Variants in NAALADL2 observed in about 807,000 individuals in gnomAD.
NAALADL2 encodes inactive N-acetylated-alpha-linked acidic dipeptidase-like protein 2.
NAALADL2 carries 76 observed loss-of-function variants against 87.2 expected under a neutral mutation model. The observed-to-expected ratio is 0.87, with a 90% CI of 0.72 to 1.05. The LOEUF (loss-of-function observed/expected upper bound fraction) is 1.05. Among genes scored for constraint, NAALADL2 ranks in the 50% least tolerant of loss-of-function variants. The probability of loss-of-function intolerance (pLI) is 0.00; values close to 1 mark genes in which losing one functional copy is unlikely to be tolerated. For synonymous variants in NAALADL2, 354 were observed against 331.0 expected (o/e 1.07, Z -0.75); for missense variants, 1,089 against 945.8 (o/e 1.15, Z -1.99).
intron 11 of NAALADL2, among the ~76,000 whole-genome samples, chr3:175,720,214 C>T (rs1257467286): frequency 1.3e-5 from 2 of 151,858 alleles, no homozygotes; most frequent in East Asian, 1.9e-4. Context: ...ACACAACAAT[C>T]GATGCTGAAA....
intron 3 of NAALADL2, among the ~76,000 whole-genome samples, chr3:174,810,782 A>G (rs1207910646): frequency 6.6e-6 from 1 of 152,174 alleles, no homozygotes; most frequent in Non-Finnish European, 1.5e-5. Context: ...GGAAGTGCTG[A>G]TACTCAAGAA....
At chr3:175,340,878 A>G (rs753976968) in intron 5 of NAALADL2, among the ~76,000 whole-genome samples, 2 of 152,198 alleles carry the variant, frequency 1.3e-5, no homozygotes, top group African/African-American at 4.8e-5. Context: ...ACAGAGATAC[A>G]TAGTGTTAAC....
intron 10 of NAALADL2, among the ~76,000 whole-genome samples, chr3:175,611,192 A>C (rs1724597181): frequency 6.6e-6 from 1 of 152,098 alleles, no homozygotes; most frequent in Non-Finnish European, 1.5e-5. Context: ...TAACTTAATG[A>C]TTGTATAGTT....
chr3:174,522,847 T>C (rs1393342739), intron 1 of NAALADL2, among the ~76,000 whole-genome samples: 1 of 138,736 alleles, frequency 7.2e-6, no homozygotes, highest in Non-Finnish European at 1.5e-5. Context: ...GGCAGGAGAA[T>C]GGCGTGAACC....
At chr3:175,447,471 A>T in intron 6 of NAALADL2, 99 bp downstream of exon 6, 1 of 762,784 alleles carries the variant, frequency 1.3e-6, no homozygotes, top group Middle Eastern at 3.1e-4. Context: ...TATTCTTTTC[A>T]AAAACATTGA....
intron 5 of NAALADL2, among the ~76,000 whole-genome samples, chr3:175,422,828 G>C (rs756198573): frequency 8.6e-5 from 13 of 151,710 alleles, no homozygotes; most frequent in Non-Finnish European, 1.9e-4. Flanking sequence ...TTGGCCACCT[G>C]TTTTTGCTAA....
intron 2 of NAALADL2, among the ~76,000 whole-genome samples, chr3:174,639,949 A>G (rs1228522337): frequency 6.6e-6 from 1 of 152,148 alleles, no homozygotes; most frequent in Non-Finnish European, 1.5e-5. Context: ...GCTAGAACTC[A>G]TGTTAGGCAA....
intron 5 of NAALADL2, among the ~76,000 whole-genome samples, chr3:175,399,726 C>G (rs1369927745): frequency 6.6e-6 from 1 of 152,092 alleles, no homozygotes; most frequent in African/African-American, 2.4e-5. Flanking sequence ...CCGACCTCCT[C>G]TCTCACCCTG....
intron 5 of NAALADL2, among the ~76,000 whole-genome samples, chr3:175,359,554 T>G (rs1764750012): frequency 1.3e-5 from 2 of 152,098 alleles, no homozygotes; most frequent in African/African-American, 4.8e-5. Flanking sequence ...TAATTCAATT[T>G]TATCAAGTCA....
intron 1 of NAALADL2, among the ~76,000 whole-genome samples, chr3:175,082,752 G>A (rs1171983980): frequency 6.6e-6 from 1 of 152,156 alleles, no homozygotes; most frequent in African/African-American, 2.4e-5. Context: ...TGCTGGAACA[G>A]CATCTGTTTT....
At chr3:174,832,572 C>T (rs552287160) in intron 3 of NAALADL2, among the ~76,000 whole-genome samples, 5 of 152,214 alleles carry the variant, frequency 3.3e-5, no homozygotes, top group East Asian at 1.9e-4. Flanking sequence ...CGCCATTCTC[C>T]TGCCTCAGCC....
At chr3:175,275,691 A>T (rs1365755355) in intron 4 of NAALADL2, among the ~76,000 whole-genome samples, 2 of 152,106 alleles carry the variant, frequency 1.3e-5, no homozygotes, top group Non-Finnish European at 1.5e-5. Context: ...TATGCATATT[A>T]GTAAGAGCTC....
At chr3:175,672,044 C>A (rs1476370371) in intron 11 of NAALADL2, among the ~76,000 whole-genome samples, 6 of 152,192 alleles carry the variant, frequency 3.9e-5, no homozygotes, top group Admixed American at 3.3e-4. Context: ...CAAAAAAGAT[C>A]ATTTTTCCCA....
intron 2 of NAALADL2, among the ~76,000 whole-genome samples, chr3:174,659,809 C>G (rs1725340422): frequency 6.6e-6 from 1 of 152,156 alleles, no homozygotes; most frequent in African/African-American, 2.4e-5. Context: ...ATAGCTCCTG[C>G]TCTTACAGTA....
intron 1 of NAALADL2, among the ~76,000 whole-genome samples, chr3:174,962,412 CATAT>C (rs59026426): frequency 0.29 from 24,773 of 84,718 alleles, 3,211 homozygotes; most frequent in Non-Finnish European, 0.39. Context: ...GTGACTATGA[CATAT>C]ATATATATAT....
chr3:174,636,720 G>A (rs1217630212), intron 2 of NAALADL2, among the ~76,000 whole-genome samples: 1 of 151,976 alleles, frequency 6.6e-6, no homozygotes, highest in Admixed American at 6.6e-5. Context: ...ATATAAATTA[G>A]TACAGCCATT....
At chr3:175,709,929 A>C (rs898359747) in intron 11 of NAALADL2, among the ~76,000 whole-genome samples, 4 of 152,102 alleles carry the variant, frequency 2.6e-5, no homozygotes, top group Non-Finnish European at 5.9e-5. Context: ...TACAGGTCTA[A>C]GTGTGATGCG....
chr3:174,767,319 A>C (rs1276336230), intron 3 of NAALADL2, among the ~76,000 whole-genome samples: 1 of 152,122 alleles, frequency 6.6e-6, no homozygotes, highest in Non-Finnish European at 1.5e-5. Flanking sequence ...TTGCATGGTT[A>C]AGTTTTCTGT....
chr3:174,833,151 T>C (rs1198929122), intron 3 of NAALADL2, among the ~76,000 whole-genome samples: 1 of 152,206 alleles, frequency 6.6e-6, no homozygotes, highest in East Asian at 1.9e-4. Context: ...ATATAAGTTC[T>C]ACTTTTTTCT....
Sources: gnomAD v4.1 joint callset for allele counts (sites outside exome capture counted in the v4.1 genomes callset) on GRCh38, gnomAD v4.1.1 for gene constraint, MANE v1.5 for transcripts, NCBI Gene and HGNC (gene_info 2026-07-23, HGNC 2026-07-21) for gene names.